The following FRAS1 variants were observed in gnomAD, a reference collection of about 807,000 sequenced individuals.
FRAS1 encodes the protein Fraser extracellular matrix complex subunit 1, also known as extracellular matrix organizing protein FRAS1.
In FRAS1, 290 loss-of-function variants were observed where a neutral mutation model predicts 435.2. The observed-to-expected ratio is 0.67, with a 90% CI of 0.61 to 0.73. FRAS1 has a LOEUF of 0.73. FRAS1 is among the 30% of genes least tolerant of loss of function. The pLI is 0.00. For missense variants in FRAS1, 4,860 were observed against 5,001.5 expected, an observed-to-expected ratio of 0.97 and a Z score of 0.85; for synonymous variants, 1,800 against 1,851.0, an observed-to-expected ratio of 0.97 and a Z score of 0.71.
At chr4:78,448,474 G>T (rs951409829) in intron 44 of FRAS1, among the ~76,000 whole-genome samples, 158 bp downstream of exon 44, 3 of 152,112 alleles carry the variant, frequency 2.0e-5, no homozygotes, top group Admixed American at 6.5e-5. Flanking sequence ...TATTGTTTTT[G>T]GGATACTAAG....
At chr4:78,180,920 T>C in intron 2 of FRAS1, 1 of 1,606,784 alleles carries the variant, frequency 6.2e-7, no homozygotes, top group Non-Finnish European at 8.5e-7. Flanking sequence ...CAGAAGTACT[T>C]GACTTGTCGG....
At chr4:78,206,404 T>C (rs1487552258) in intron 2 of FRAS1, among the ~76,000 whole-genome samples, 1 of 152,172 alleles carries the variant, frequency 6.6e-6, no homozygotes, top group Non-Finnish European at 1.5e-5. Context: ...AGCTGACACC[T>C]TGACTTTAGC....
In FRAS1 at chr4:78,521,517, G is replaced by T; in HGVS notation, c.10541-6G>T. Reference sequence around the variant, plus strand: ...CCTAGCATTTTCTCTCTGCTTTCCTGCCCAGGAATCCAGACAGACAGCGTG... The same window carrying T: ...CCTAGCATTTTCTCTCTGCTTTCCTTCCCAGGAATCCAGACAGACAGCGTG... On this transcript the variant is annotated splice_polypyrimidine_tract_variant and splice_region_variant and intron_variant, in intron 67 of 73. Coordinates refer to ENST00000512123, the MANE Select transcript of FRAS1 (RefSeq NM_025074.7). 6.2e-7 allele frequency: 1 copy of T among 1,605,978 alleles called. No homozygotes were observed. Among genetic ancestry groups the T allele is most frequent in the Non-Finnish European group, 8.5e-7 (1 of 1,175,256 alleles).
intron 63 of FRAS1, among the ~76,000 whole-genome samples, chr4:78,510,200 G>A (rs1191708390): frequency 6.6e-6 from 1 of 152,132 alleles, no homozygotes; most frequent in African/African-American, 2.4e-5. Context: ...AAGGAGGTGT[G>A]GTCTGGTTGG....
chr4:78,176,971 T>C (rs559789818), intron 2 of FRAS1, among the ~76,000 whole-genome samples: 18 of 152,348 alleles, frequency 1.2e-4, no homozygotes, highest in Admixed American at 1.1e-3. Flanking sequence ...TTGTCTTGTA[T>C]TGCTGAAACC....
At position 78,387,603 on chromosome 4, in the gene FRAS1, C is replaced by T. The variant is rs1013575153; in HGVS notation, c.3877C>T (p.His1293Tyr). ...ELSRGLLHYA[H>Y]DGSDSTSDVA... ...CTCTAGAGGCCTTCTCCACTATGCT[C>T]ATGATGGTTCAGACAGCACATCCGA... is the stretch of plus-strand genomic sequence containing the variant. Residue 1293 changes from histidine (H) to tyrosine (Y), a missense_variant, in exon 29 of 74, where the codon CAT becomes TAT. Coordinates refer to ENST00000512123, the MANE Select transcript of FRAS1 (RefSeq NM_025074.7). 18 of 1,613,268 alleles carry T rather than the reference C, an allele frequency of 1.1e-5. No individual in the cohort carries two copies. Among genetic ancestry groups the T allele is most frequent in the Non-Finnish European group, 1.4e-5 (17 of 1,179,536 alleles).
intron 2 of FRAS1, among the ~76,000 whole-genome samples, chr4:78,122,922 A>G (rs2109966763): frequency 6.6e-6 from 1 of 152,270 alleles, no homozygotes; most frequent in South Asian, 2.1e-4. Context: ...TCCATTCTGT[A>G]GGTTGCCTGT....
At chr4:78,403,982 C>T (rs1733004159) in intron 30 of FRAS1, among the ~76,000 whole-genome samples, 1 of 152,092 alleles carries the variant, frequency 6.6e-6, no homozygotes, top group Middle Eastern at 3.2e-3. Flanking sequence ...AATTATAAGT[C>T]AAACCACTGG....
intron 41 of FRAS1, among the ~76,000 whole-genome samples, chr4:78,444,743 G>A (rs1284697781): frequency 6.6e-6 from 1 of 152,162 alleles, no homozygotes; most frequent in Non-Finnish European, 1.5e-5. Flanking sequence ...CAGTGTTTGG[G>A]GTTGGGATGA....
intron 2 of FRAS1, among the ~76,000 whole-genome samples, chr4:78,216,620 A>T (rs1401031884): frequency 1.3e-5 from 2 of 152,216 alleles, no homozygotes; most frequent in Non-Finnish European, 2.9e-5. Flanking sequence ...GGGCCCTGGC[A>T]GTTCAGCAGT....
At chr4:78,193,933 C>T (rs941478088) in intron 2 of FRAS1, among the ~76,000 whole-genome samples, 81 of 152,232 alleles carry the variant, frequency 5.3e-4, no homozygotes, top group Non-Finnish European at 8.7e-4. Flanking sequence ...CCATGTTTAG[C>T]GCTTCCTTCA....
chr4:78,236,665 T>C (rs532043064), intron 2 of FRAS1, among the ~76,000 whole-genome samples: 42 of 152,236 alleles, frequency 2.8e-4, no homozygotes, highest in African/African-American at 1.0e-3. Flanking sequence ...AGCTATGAGA[T>C]AGTTGGTTTC....
chr4:78,512,705 A>G (rs1472817545), intron 64 of FRAS1, among the ~76,000 whole-genome samples: 1 of 152,254 alleles, frequency 6.6e-6, no homozygotes, highest in Non-Finnish European at 1.5e-5. Flanking sequence ...AGCAGCCAAT[A>G]TAAATAAGTT....
At chr4:78,063,249 CT>C (rs1305849820) in intron 1 of FRAS1, among the ~76,000 whole-genome samples, 1 of 152,210 alleles carries the variant, frequency 6.6e-6, no homozygotes, top group East Asian at 1.9e-4. Flanking sequence ...CAACAAACCC[CT>C]CAACTTCATC....
intron 18 of FRAS1, among the ~76,000 whole-genome samples, chr4:78,324,966 A>T (rs1224740812): frequency 6.6e-6 from 1 of 152,196 alleles, no homozygotes; most frequent in Admixed American, 6.5e-5. Context: ...TTTTGAAGAC[A>T]TTACAAGTTT....
At chr4:78,506,916 C>T (rs1322693530) in intron 61 of FRAS1, among the ~76,000 whole-genome samples, 2 of 152,140 alleles carry the variant, frequency 1.3e-5, no homozygotes, top group Non-Finnish European at 2.9e-5. Context: ...AAGGCTTGAA[C>T]CCTCACCTGT....
intron 2 of FRAS1, among the ~76,000 whole-genome samples, chr4:78,217,028 G>A (rs1172375646): frequency 6.6e-6 from 1 of 152,120 alleles, no homozygotes; most frequent in East Asian, 1.9e-4. Flanking sequence ...TTAGGATGAT[G>A]TGTTAGTCAG....
intron 2 of FRAS1, among the ~76,000 whole-genome samples, chr4:78,216,598 A>C (rs969177548): frequency 1.3e-5 from 2 of 152,230 alleles, no homozygotes; most frequent in Admixed American, 6.5e-5. Context: ...TTCCACAGAT[A>C]TCTGCAGTTG....
intron 41 of FRAS1, among the ~76,000 whole-genome samples, chr4:78,443,651 A>G (rs1429918302): frequency 6.6e-5 from 10 of 152,224 alleles, no homozygotes; most frequent in Admixed American, 6.5e-4. Flanking sequence ...TGCACATCAT[A>G]TGTTCTGTTT....
Sources: allele counts gnomAD v4.1 joint callset (sites outside exome capture counted in the v4.1 genomes callset), GRCh38; gene constraint gnomAD v4.1.1; transcripts MANE v1.5; gene names NCBI Gene and HGNC (gene_info 2026-07-23, HGNC 2026-07-21).